SPAG16: variants seen among roughly 807,000 people sequenced by gnomAD.
The protein encoded by SPAG16 is sperm associated antigen 16, also known as sperm-associated antigen 16 protein.
Under a neutral mutation model 80.4 loss-of-function variants are expected in SPAG16, and 86 were observed. The observed-to-expected ratio is 1.07, with a 90% CI of 0.90 to 1.28. SPAG16 has a LOEUF of 1.28. Ranked by LOEUF, SPAG16 falls within the 50% of genes most tolerant of loss-of-function variation. The probability of loss-of-function intolerance (pLI) is 0.00; values close to 1 mark genes in which losing one functional copy is unlikely to be tolerated. For synonymous variants in SPAG16, 294 were observed against 265.9 expected (o/e 1.11, Z -1.03); for missense variants, 870 against 765.3 (o/e 1.14, Z -1.61).
chr2:213,473,628 TAAACTAC>T (rs980181460), intron 9 of SPAG16, among the ~76,000 whole-genome samples: 2 of 152,076 alleles, frequency 1.3e-5, no homozygotes, highest in Non-Finnish European at 2.9e-5. Context: ...ACCAAGCAAA[TAAACTAC>T]TAGAACCTTT....
rs1475737177 is a variant in SPAG16, at chr2:214,163,584, A to AAGAATG, written c.1720+14318_1720+14319insAGAATG. Among the ~76,000 whole-genome samples the AAGAATG allele has an allele frequency of 2.9e-4, 34 of 115,940 alleles. 1 individual carries two copies. The highest frequency in any genetic ancestry group is 8.8e-5 in the Admixed American group (1 of 11,328). The allele number at this position is 115,940 out of a possible 152,430, so 76.1% of individuals were successfully genotyped here. On this transcript the variant is annotated intron_variant, in intron 15 of 15. Transcript: ENST00000331683. The stretch of plus-strand genomic sequence containing the variant: ...TGTGTATATGTGTGTGTGTATATAT[A>AAGAATG]TATACACACACATATATACATATAT...
At position 214,185,251 on chromosome 2, in the gene SPAG16, G is replaced by T. The variant is rs189876588; in HGVS notation, c.1720+35985G>T. 5.9e-4 allele frequency among the ~76,000 whole-genome samples: 90 copies of T among 152,018 alleles called. 2 individuals carry two copies. The East Asian group carries it at 0.016, about 27-fold the overall frequency. On this transcript the variant is annotated intron_variant, in intron 15 of 15. Transcript: ENST00000331683. The stretch of plus-strand genomic sequence containing the variant: ...GAGCTTGGGTCTACCTATCTCATAA[G>T]GTTATTATATGCATAAAATGAGACA...
chr2:213,436,888 T>TAA (rs2070669467), intron 9 of SPAG16, among the ~76,000 whole-genome samples: 1 of 152,080 alleles, frequency 6.6e-6, no homozygotes, highest in East Asian at 1.9e-4. Flanking sequence ...ATATGACATG[T>TAA]AATACTACGC....
intron 12 of SPAG16, among the ~76,000 whole-genome samples, chr2:213,947,181 A>G (rs930460993): frequency 1.3e-5 from 2 of 152,192 alleles, no homozygotes; most frequent in African/African-American, 2.4e-5. Flanking sequence ...TTGTTTGAAC[A>G]TAAGTCTTCA....
intron 15 of SPAG16, among the ~76,000 whole-genome samples, chr2:214,266,981 G>T (rs916711528): frequency 6.6e-6 from 1 of 151,548 alleles, no homozygotes; most frequent in Non-Finnish European, 1.5e-5. Context: ...TGAATTGAAA[G>T]AATTAATATT....
At chr2:214,304,571 G>A (rs1694785886) in intron 15 of SPAG16, among the ~76,000 whole-genome samples, 1 of 152,072 alleles carries the variant, frequency 6.6e-6, no homozygotes, top group Non-Finnish European at 1.5e-5. Flanking sequence ...TAAATATGTG[G>A]GTAAATTTCT....
intron 15 of SPAG16, among the ~76,000 whole-genome samples, chr2:214,198,684 C>G (rs915948773): frequency 6.6e-6 from 1 of 152,014 alleles, no homozygotes; most frequent in African/African-American, 2.4e-5. Context: ...ATACTGTTTT[C>G]CATAATGGTT....
chr2:214,136,370 G>T (rs544872994), intron 14 of SPAG16, among the ~76,000 whole-genome samples: 8 of 152,144 alleles, frequency 5.3e-5, no homozygotes, highest in Non-Finnish European at 1.0e-4. Flanking sequence ...AACCTTGGTT[G>T]TCTCATTTGT....
intron 15 of SPAG16, among the ~76,000 whole-genome samples, chr2:214,219,962 G>A (rs1219345701): frequency 5.1e-5 from 3 of 58,636 alleles, no homozygotes; most frequent in East Asian, 3.8e-4. Flanking sequence ...CCTGTTGGCA[G>A]GTTCATCCTC....
At chr2:213,742,331 A>G (rs1255998178) in intron 10 of SPAG16, among the ~76,000 whole-genome samples, 1 of 152,150 alleles carries the variant, frequency 6.6e-6, no homozygotes, top group Non-Finnish European at 1.5e-5. Flanking sequence ...GGACATTAGT[A>G]TAGTCCATTT....
At chr2:214,055,519 C>T (rs1336799665) in intron 13 of SPAG16, among the ~76,000 whole-genome samples, 1 of 152,084 alleles carries the variant, frequency 6.6e-6, no homozygotes, top group African/African-American at 2.4e-5. Context: ...TTACTTTTCT[C>T]CTTCTTTAAC....
At chr2:213,991,575 C>A (rs764409681) in intron 12 of SPAG16, among the ~76,000 whole-genome samples, 1 of 152,054 alleles carries the variant, frequency 6.6e-6, no homozygotes, top group African/African-American at 2.4e-5. Context: ...GCTCCTGGAC[C>A]CCCGCACTTG....
rs565809968 is a variant in SPAG16, at chr2:213,421,795, G to A, written c.942+46676G>A. ...ATTCAGACAACCTGCCTGCAGATAG[G>A]AGCTACCCACTCCAGATCTCTGCTG... On this transcript the variant is annotated intron_variant, in intron 9 of 15. Coordinates refer to ENST00000331683, the MANE Select transcript of SPAG16 (RefSeq NM_024532.5). Among the ~76,000 whole-genome samples the A allele has an allele frequency of 2.6e-5, 4 of 152,184 alleles. No homozygotes were observed. In the East Asian group the frequency reaches 5.8e-4, roughly 22 times the overall value.
chr2:213,426,083 A>G (rs899323462), intron 9 of SPAG16, among the ~76,000 whole-genome samples: 2 of 152,188 alleles, frequency 1.3e-5, no homozygotes, highest in Non-Finnish European at 2.9e-5. Context: ...ATTTAAATAT[A>G]TTTATTGGCC....
chr2:214,080,595 G>A (rs1445008772), intron 13 of SPAG16, among the ~76,000 whole-genome samples: 3 of 140,374 alleles, frequency 2.1e-5, no homozygotes, highest in East Asian at 2.0e-4. Flanking sequence ...GCGACAGAGC[G>A]AGACTCTGTC....
At chr2:214,009,231 C>T (rs777151899) in intron 12 of SPAG16, among the ~76,000 whole-genome samples, 1 of 152,102 alleles carries the variant, frequency 6.6e-6, no homozygotes, top group Non-Finnish European at 1.5e-5. Context: ...TTGTCAGCTA[C>T]CCTACACTCC....
intron 13 of SPAG16, among the ~76,000 whole-genome samples, chr2:214,057,234 G>A (rs1335993955): frequency 1.3e-5 from 2 of 149,608 alleles, no homozygotes; most frequent in Non-Finnish European, 3.0e-5. Context: ...ATTAGCTATG[G>A]CAGCTATACC....
intron 10 of SPAG16, among the ~76,000 whole-genome samples, chr2:213,736,759 C>CA (rs953448535): frequency 1.3e-5 from 2 of 148,316 alleles, no homozygotes; most frequent in African/African-American, 5.0e-5. Flanking sequence ...AGCTGCAGTG[C>CA]AATGGCGAGA....
intron 15 of SPAG16, among the ~76,000 whole-genome samples, chr2:214,401,169 A>G (rs1701684864): frequency 6.6e-6 from 1 of 151,970 alleles, no homozygotes; most frequent in Non-Finnish European, 1.5e-5. Context: ...CCATTAATGC[A>G]AATCCTCAAA....
Sources: allele counts gnomAD v4.1 joint callset (sites outside exome capture counted in the v4.1 genomes callset), GRCh38; gene constraint gnomAD v4.1.1; transcripts MANE v1.5; gene names NCBI Gene and HGNC (gene_info 2026-07-23, HGNC 2026-07-21).